Variants in TMC8 observed in about 807,000 individuals in gnomAD.
TMC8 encodes transmembrane channel-like protein 8.
Under a neutral mutation model 76.0 loss-of-function variants are expected in TMC8, and 71 were observed. The ratio of observed to expected loss-of-function variants is 0.93; its 90% CI spans 0.77 to 1.14. The LOEUF (loss-of-function observed/expected upper bound fraction) is 1.14, where lower values mean the gene tolerates loss of function less well. TMC8 is among the 50% of genes most tolerant of loss of function. TMC8 has a pLI of 0.00. For missense variants in TMC8, 924 were observed against 947.9 expected (o/e 0.97, Z 0.33); for synonymous variants, 433 against 433.8 (o/e 1.00, Z 0.02).
Position 78,131,352 on chromosome 17 carries a change from A to C in TMC8, c.-237A>C. 1.6e-6 allele frequency: 1 copy of C among 611,592 alleles called. No homozygotes were observed. Among genetic ancestry groups the C allele is most frequent in the Non-Finnish European group, 2.9e-6 (1 of 348,904 alleles). 37.9% of individuals were successfully genotyped at this position (611,592 alleles called of 1,614,324 possible). On this transcript the variant is annotated 5_prime_UTR_variant, in exon 2 of 16. Transcript: ENST00000318430. ...CGGGGCTGGGCCCGAATTCGACCGC[A>C]GCAGGATTCTCTCTCATTTCTGAGC...
rs1031937056 is a variant in TMC8 at position 78,137,736 on chromosome 17, G to A, written c.1271G>A (p.Gly424Glu). 1 of 1,613,478 alleles carries A rather than the reference G, an allele frequency of 6.2e-7. No individual in the cohort carries two copies. The highest frequency in any genetic ancestry group is 1.1e-5 in the South Asian group (1 of 91,092). The change falls in exon 11 of 16, where the codon GGG becomes GAG. Residue 424 changes from glycine to glutamate, a missense_variant. Gly to Glu is a moderately conservative substitution (Grantham distance 98). Coordinates refer to ENST00000318430, the MANE Select transcript of TMC8 (RefSeq NM_152468.5). ...CCCCAGTGCTGGGAGAACTCCGTGG[G>A]GGAGGAGCTGTACAAGCTGAGTATC... ...CDYQCWENSVGEELYKLSIFN... is the reference protein window; with the variant it reads ...CDYQCWENSVEEELYKLSIFN...
At position 78,134,907 on chromosome 17, in the gene TMC8, G is replaced by A. The variant is rs1328226485; in HGVS notation, c.1025G>A (p.Gly342Glu). Residue 342 changes from glycine to glutamate, a missense_variant, in exon 9 of 16, where the codon GGG becomes GAG. By Grantham distance (98) the Gly-to-Glu change is moderately conservative. Coordinates refer to ENST00000318430, the MANE Select transcript of TMC8 (RefSeq NM_152468.5). ...CTGCTGCTCCAGTACCTGCCCCCTG[G>A]GGTCATCGCCCTGGTCAACTTCCTG... ...LFLLLQYLPP[G>E]VIALVNFLGP... 1.9e-6 allele frequency: 3 copies of A among 1,614,084 alleles called. No homozygotes were observed. The highest frequency in any genetic ancestry group is 1.7e-5 in the Admixed American group (1 of 60,028).
intron 10 of TMC8, 127 bp downstream of exon 10, chr17:78,137,485 GCACCGCCGCA>G: frequency 6.6e-7 from 1 of 1,515,168 alleles, no homozygotes; most frequent in Non-Finnish European, 9.1e-7. Context: ...AGGGCTGCCT[GCACCGCCGCA>G]CACCTCCAGG....
In TMC8 at chr17:78,138,315, G is replaced by C. The variant is rs377719722; in HGVS notation, c.1534-34G>C. The C allele has an allele frequency of 4.9e-5, 79 of 1,610,456 alleles. No homozygotes were observed. The Admixed American group carries it at 1.3e-3, about 26-fold the overall frequency. ...CAGCCCCCTGGGGTCTGCATAACTC[G>C]CTGACTCCTGGTTGCTATTGCTTGC... On this transcript the variant is annotated intron_variant, in intron 12 of 15. Transcript: ENST00000318430.
At chr17:78,135,635 A>T (rs982844489) in intron 9 of TMC8, among the ~76,000 whole-genome samples, 1 of 152,006 alleles carries the variant, frequency 6.6e-6, no homozygotes, top group Non-Finnish European at 1.5e-5. Context: ...CAGCTGCAGA[A>T]ATTCTTGTGT....
In TMC8 at chr17:78,137,527, G is replaced by A. The variant is rs117808042; in HGVS notation, c.1251+169G>A. On this transcript the variant is annotated intron_variant, in intron 10 of 15. Coordinates refer to ENST00000318430, the MANE Select transcript of TMC8 (RefSeq NM_152468.5). ...CAGGGGGCGCCACTGCTGCCACATG[G>A]TGTAGTGTGGCTGCCCTGGCTGTGG... The A allele has an allele frequency of 0.037, 47,561 of 1,274,158 alleles. 1,191 individuals are homozygous for A. Among genetic ancestry groups the A allele is most frequent in the South Asian group, 0.086 (7,081 of 82,548 alleles). 78.9% of individuals were successfully genotyped at this position (1,274,158 alleles called of 1,614,324 possible). A position where few individuals can be genotyped will look rare whatever the true frequency, so the allele number is the denominator to read the frequency against.
At chr17:78,133,719 T>C (rs2075116959) in intron 6 of TMC8, 134 bp from the exon 7 acceptor site, 2 of 1,528,068 alleles carry the variant, frequency 1.3e-6, no homozygotes, top group Admixed American at 1.8e-5. Flanking sequence ...CACCGCCCCC[T>C]ACCCCGACTC....
chr17:78,132,712 G>T, intron 4 of TMC8, 76 bp from the exon 5 acceptor site: 1 of 1,564,166 alleles, frequency 6.4e-7, no homozygotes, highest in South Asian at 1.1e-5. Context: ...AGGGTTGGGG[G>T]TTATAGAGCA....
rs1598907740 is a variant in TMC8, at chr17:78,133,869, C to G, written c.685C>G (p.Pro229Ala). 1 of 1,613,254 alleles carries G rather than the reference C, an allele frequency of 6.2e-7. No individual in the cohort carries two copies. Among genetic ancestry groups the G allele is most frequent in the Non-Finnish European group, 8.5e-7 (1 of 1,180,038 alleles). The change falls in exon 7 of 16, where the codon CCG becomes GCG. Residue 229 changes from proline to alanine, a missense_variant. By Grantham distance (27) the Pro-to-Ala change is conservative. Coordinates refer to ENST00000318430, the MANE Select transcript of TMC8 (RefSeq NM_152468.5). ...GTLRRMVKGL[P>A]QKTLLGQGYQ... is the part of the protein sequence containing the mutation. ...GCCCCGCAGGATGGTGAAGGGGCTG[C>G]CGCAGAAGACTCTGCTGGGTCAGGG...
chr17:78,140,185 G>T (rs1368788462), intron 15 of TMC8, among the ~76,000 whole-genome samples: 1 of 152,230 alleles, frequency 6.6e-6, no homozygotes, highest in Non-Finnish European at 1.5e-5. Flanking sequence ...TGAGCTGGGC[G>T]TGGTGGCGCG....
chr17:78,132,615 T>C, intron 4 of TMC8, 107 bp downstream of exon 4: 3 of 1,518,820 alleles, frequency 2.0e-6, no homozygotes, highest in Non-Finnish European at 2.7e-6. Context: ...GGTCCTGCCG[T>C]GCAGGCCCCG....
At chr17:78,132,917 G>A in intron 5 of TMC8, 47 bp downstream of exon 5, 1 of 1,603,390 alleles carries the variant, frequency 6.2e-7, no homozygotes, top group Non-Finnish European at 8.5e-7. Flanking sequence ...GGGAGACCCA[G>A]GGAACTGGCT....
At chr17:78,135,582 C>T (rs1440450482) in intron 9 of TMC8, among the ~76,000 whole-genome samples, 1 of 152,142 alleles carries the variant, frequency 6.6e-6, no homozygotes, top group Non-Finnish European at 1.5e-5. Context: ...TCTGTCTCAG[C>T]ACTTAGGTCC....
At chr17:78,136,018 C>T (rs1466359839) in intron 9 of TMC8, among the ~76,000 whole-genome samples, 1 of 152,210 alleles carries the variant, frequency 6.6e-6, no homozygotes, top group Non-Finnish European at 1.5e-5. Flanking sequence ...TGCGCCACTA[C>T]ACTCCAGCCT....
intron 9 of TMC8, among the ~76,000 whole-genome samples, chr17:78,136,179 G>A (rs368910715): frequency 6.6e-6 from 1 of 152,136 alleles, no homozygotes; most frequent in South Asian, 2.1e-4. Flanking sequence ...GAGATAACAC[G>A]CAACCAGGCA....
At position 78,133,570 on chromosome 17, in the gene TMC8, C is replaced by T. The variant is rs761716656; in HGVS notation, c.668+28C>T. On this transcript the variant is annotated intron_variant, in intron 6 of 15. Transcript: ENST00000318430. ...GAGAGCGAGGTCCACACCTTCACCC[C>T]TTCCCCAGGGAATCTTCCCTGATCA... 6.8e-6 allele frequency: 11 copies of T among 1,607,018 alleles called. No homozygotes were observed. The Middle Eastern group carries it at 6.7e-4, about 98-fold the overall frequency.
In TMC8 at chr17:78,134,010, CGAGT is replaced by C. The variant is rs1204160349; in HGVS notation, c.816+16_816+19del. Reference sequence around the variant, plus strand: ...CAGCAACGAGTTCAAGGTGTGTGCACGAGTGAGTGCCTGAGATCCACAAGCTCCA... The same window carrying C: ...CAGCAACGAGTTCAAGGTGTGTGCACGAGTGCCTGAGATCCACAAGCTCCA... On this transcript the variant is annotated intron_variant, in intron 7 of 15. Transcript: ENST00000318430. 3.7e-6 allele frequency: 6 copies of C among 1,613,520 alleles called. No homozygotes were observed. In the African/African-American group the frequency reaches 5.3e-5, roughly 14 times the overall value.
chr17:78,138,182 CAAG>C lies in TMC8; in HGVS notation c.1531_1533del (p.Lys511del), dbSNP rs762681556. ...TCTTCCTCTTCCTCACCTTCTACATCAAGAAGGTGACGGCTCATGGCTGGGGGG... is the reference window on the plus strand; with the variant it reads ...TCTTCCTCTTCCTCACCTTCTACATCAAGGTGACGGCTCATGGCTGGGGGG... On this transcript the variant is annotated inframe_deletion, in exon 12 of 16. Transcript: ENST00000318430. 1.2e-6 allele frequency: 2 copies of C among 1,613,798 alleles called. No homozygotes were observed. Among genetic ancestry groups the C allele is most frequent in the African/African-American group, 1.3e-5 (1 of 75,006 alleles).
At chr17:78,139,434 C>T (rs1420150770) in intron 15 of TMC8, among the ~76,000 whole-genome samples, 194 bp downstream of exon 15, 1 of 152,124 alleles carries the variant, frequency 6.6e-6, no homozygotes, top group Non-Finnish European at 1.5e-5. Context: ...AGGAGCCAGA[C>T]CTGGTAAGTA....
Sources: allele counts gnomAD v4.1 joint callset (sites outside exome capture counted in the v4.1 genomes callset), GRCh38; gene constraint gnomAD v4.1.1; transcripts MANE v1.5; gene names NCBI Gene and HGNC (gene_info 2026-07-23, HGNC 2026-07-21).